Variants in SPEF2 observed in about 807,000 individuals in gnomAD.
The protein encoded by SPEF2 is sperm flagellar and cilia associated 2.
In SPEF2, 187 loss-of-function variants were observed where a neutral mutation model predicts 224.6. The observed-to-expected ratio is 0.83, with a 90% CI of 0.74 to 0.94. The LOEUF is 0.94. Ranked by LOEUF, SPEF2 falls within the 40% of genes least tolerant of loss-of-function variation. The pLI, the probability that SPEF2 is intolerant of heterozygous loss-of-function variation, is 0.00. For synonymous variants in SPEF2, 715 were observed against 707.3 expected (o/e 1.01, Z -0.17); for missense variants, 2,170 against 2,135.6 (o/e 1.02, Z -0.32).
At chr5:35,807,528 GC>G (rs1758229520) in intron 36 of SPEF2, 2 of 1,060,934 alleles carry the variant, frequency 1.9e-6, no homozygotes, top group Non-Finnish European at 2.8e-6. Flanking sequence ...AATGACCCTA[GC>G]CTGTGATTGA....
rs1453983889 is a variant in SPEF2, at chr5:35,750,256, A to G, written c.3331-3368A>G. On this transcript the variant is annotated intron_variant, in intron 23 of 36. Transcript: ENST00000356031. Reference sequence around the variant, plus strand: ...GACCTGAAACTAAAAATTCTACAAGATAACTTTGGAAGAACCCTTCTGGAC... The same window carrying G: ...GACCTGAAACTAAAAATTCTACAAGGTAACTTTGGAAGAACCCTTCTGGAC... 2.0e-5 allele frequency among the ~76,000 whole-genome samples: 3 copies of G among 152,216 alleles called. No homozygotes were observed. In the East Asian group the frequency reaches 5.8e-4, roughly 29 times the overall value.
chr5:35,744,898 C>T (rs1398077349), intron 23 of SPEF2, among the ~76,000 whole-genome samples: 1 of 152,160 alleles, frequency 6.6e-6, no homozygotes, highest in Admixed American at 6.5e-5. Context: ...CCAGCAATCC[C>T]GAGAGGACTC....
intron 36 of SPEF2, among the ~76,000 whole-genome samples, chr5:35,810,331 C>T (rs959193252): frequency 1.3e-5 from 2 of 152,110 alleles, no homozygotes; most frequent in Non-Finnish European, 2.9e-5. Context: ...CCTGCCTCAG[C>T]CTCCTGAGTA....
chr5:35,683,452 C>T (rs1753119844), intron 10 of SPEF2, among the ~76,000 whole-genome samples: 1 of 152,190 alleles, frequency 6.6e-6, no homozygotes. Context: ...TGGTGAAACC[C>T]TGTCTCTACT....
At chr5:35,644,238 C>T (rs1747025676) in intron 3 of SPEF2, 117 bp from the exon 4 acceptor site, 1 of 864,890 alleles carries the variant, frequency 1.2e-6, no homozygotes, top group Non-Finnish European at 1.7e-6. Context: ...TTTAGCTTAA[C>T]TATCAACAAT....
chr5:35,722,803 A>C (rs1172893186), intron 20 of SPEF2, among the ~76,000 whole-genome samples: 2 of 151,486 alleles, frequency 1.3e-5, no homozygotes, highest in Non-Finnish European at 2.9e-5. Context: ...TGTCCCTACA[A>C]AGGACATGAA....
At chr5:35,697,245 A>G (rs909781079) in intron 14 of SPEF2, among the ~76,000 whole-genome samples, 2 of 152,198 alleles carry the variant, frequency 1.3e-5, no homozygotes, top group African/African-American at 4.8e-5. Flanking sequence ...TTTGAGTGCT[A>G]AAAGAAGACA....
At chr5:35,645,253 A>T (rs1467431196) in intron 4 of SPEF2, among the ~76,000 whole-genome samples, 2 of 152,176 alleles carry the variant, frequency 1.3e-5, no homozygotes, top group African/African-American at 2.4e-5. Context: ...AAATTCATGG[A>T]TTTATTTGCA....
intron 36 of SPEF2, 96 bp downstream of exon 36, chr5:35,807,349 G>C: frequency 6.7e-7 from 1 of 1,487,464 alleles, no homozygotes; most frequent in Non-Finnish European, 9.0e-7. Flanking sequence ...AGAGAAAGAA[G>C]CTGTACTCTG....
chr5:35,793,308 G>A lies in SPEF2; in HGVS notation c.4704G>A (p.Gln1568=), dbSNP rs145850175. The change falls in exon 32 of 37, where the codon CAG becomes CAA. Residue 1568 remains glutamine, a synonymous_variant. Coordinates refer to ENST00000356031, the MANE Select transcript of SPEF2 (RefSeq NM_024867.4). ...AGTTCAAGGCTGTGGATAAGGAGCA[G>A]TTGGGCACCATCACTTTTGAGCAGT... The part of the protein sequence containing the change: ...LQKFKAVDKE[Q]LGTITFEQYM... 7.4e-6 allele frequency: 12 copies of A among 1,614,024 alleles called. No individual in the cohort carries two copies. Among genetic ancestry groups the A allele is most frequent in the Middle Eastern group, 1.7e-4 (1 of 6,058 alleles).
In SPEF2 at chr5:35,670,085, A is replaced by T. The variant is rs1751029973; in HGVS notation, c.1382A>T (p.Asp461Val). 2 of 1,608,426 alleles carry T rather than the reference A, an allele frequency of 1.2e-6. No homozygotes were observed. Among genetic ancestry groups the T allele is most frequent in the Non-Finnish European group, 8.5e-7 (1 of 1,177,680 alleles). The change falls in exon 10 of 37, where the codon GAT becomes GTT. Residue 461 changes from aspartate (D) to valine (V), a missense_variant. By Grantham distance (152) the Asp-to-Val change is radical. Coordinates refer to ENST00000356031, the MANE Select transcript of SPEF2 (RefSeq NM_024867.4). The part of the protein sequence containing the change: ...NNLIPYKLMH[D>V]WKELFFNAKP... Reference sequence around the variant, plus strand: ...CTGATTCCGTATAAGTTGATGCATGATTGGAAGGAACTATTTTTTAATGCA... The same window carrying T: ...CTGATTCCGTATAAGTTGATGCATGTTTGGAAGGAACTATTTTTTAATGCA...
chr5:35,780,612 A>T (rs1457713904), intron 30 of SPEF2, among the ~76,000 whole-genome samples: 1 of 152,224 alleles, frequency 6.6e-6, no homozygotes, highest in Non-Finnish European at 1.5e-5. Context: ...ACCCTCTTCT[A>T]CATGGTGCGA....
rs781385388 is a variant in SPEF2, at chr5:35,771,680, A to G, written c.3873A>G (p.Lys1291=). The change falls in exon 27 of 37, where the codon AAA becomes AAG. Residue 1291 remains lysine (K), a synonymous_variant. Transcript: ENST00000356031. ...ACCAGCCAGCAGACCCCAAAGAAAA[A>G]TCTCCTCAGATGGGTGCAAATAAAA... The part of the protein sequence containing the change: ...KENQPADPKE[K]SPQMGANKKV... The G allele has an allele frequency of 3.7e-6, 6 of 1,611,732 alleles. No individual in the cohort carries two copies. The Admixed American group carries it at 8.4e-5, about 23-fold the overall frequency.
intron 8 of SPEF2, among the ~76,000 whole-genome samples, chr5:35,664,259 C>T (rs1750123661): frequency 1.5e-5 from 2 of 134,152 alleles, no homozygotes; most frequent in African/African-American, 5.7e-5. Flanking sequence ...ACCACGTTTG[C>T]TCTTGCTCAT....
chr5:35,807,933 C>A, intron 36 of SPEF2: 1 of 1,403,070 alleles, frequency 7.1e-7, no homozygotes, highest in Non-Finnish European at 9.3e-7. Context: ...CTACATCCCT[C>A]TCAGATACCA....
In SPEF2 at chr5:35,644,414, G is replaced by T. The variant is rs745317708; in HGVS notation, c.474G>T (p.Arg158Ser). The T allele has an allele frequency of 2.5e-6, 4 of 1,610,120 alleles. No individual in the cohort carries two copies. In the African/African-American group the frequency reaches 5.3e-5, roughly 22 times the overall value. ...TDFNLMRITY[R>S]FQEKYKHVKE... Reference sequence around the variant, plus strand: ...TCAATCTGATGCGGATTACATACAGGTTTCAAGAAAAATATAAACACGTGA... The same window carrying T: ...TCAATCTGATGCGGATTACATACAGTTTTCAAGAAAAATATAAACACGTGA... The change falls in exon 4 of 37, where the codon AGG becomes AGT. Residue 158 changes from arginine to serine, a missense_variant. Coordinates refer to ENST00000356031, the MANE Select transcript of SPEF2 (RefSeq NM_024867.4).
At chr5:35,789,953 G>C (rs1460680325) in intron 30 of SPEF2, 2 of 702,328 alleles carry the variant, frequency 2.8e-6, no homozygotes, top group South Asian at 3.0e-5. Context: ...TGAGGAAAGT[G>C]GTGGATATTT....
chr5:35,760,587 G>A (rs1192582491), intron 25 of SPEF2, among the ~76,000 whole-genome samples: 2 of 152,020 alleles, frequency 1.3e-5, no homozygotes, highest in African/African-American at 4.8e-5. Context: ...ATTTCTGCCA[G>A]CAAAAAAATA....
intron 23 of SPEF2, among the ~76,000 whole-genome samples, chr5:35,751,008 T>TGTGTATATATATACGTATATAC (rs1561304567): frequency 7.6e-5 from 9 of 119,182 alleles, no homozygotes; most frequent in African/African-American, 3.0e-4. Flanking sequence ...TATATATATA[T>TGTGTATATATATACGTATATAC]ATACGTATAT....
Sources: allele counts gnomAD v4.1 joint callset (sites outside exome capture counted in the v4.1 genomes callset), GRCh38; gene constraint gnomAD v4.1.1; transcripts MANE v1.5; gene names NCBI Gene and HGNC (gene_info 2026-07-23, HGNC 2026-07-21).